The following WDR19 variants were observed in gnomAD, a reference collection of about 807,000 sequenced individuals.
The protein encoded by WDR19 is WD repeat-containing protein 19.
WDR19 carries 121 observed loss-of-function variants against 180.0 expected under a neutral mutation model. The observed-to-expected ratio is 0.67, with a 90% confidence interval of 0.58 to 0.78. The LOEUF (loss-of-function observed/expected upper bound fraction) is 0.78. Ranked by LOEUF, WDR19 falls within the 30% of genes least tolerant of loss-of-function variation. The pLI is 0.00. For synonymous variants in WDR19, 497 were observed against 540.7 expected, an observed-to-expected ratio of 0.92 and a Z score of 1.12; for missense variants, 1,450 against 1,640.7, an observed-to-expected ratio of 0.88 and a Z score of 2.01.
Position 39,234,875 on chromosome 4 carries a change from CG to C in WDR19, c.2363+1del, listed in dbSNP as rs1560521680. 1 of 1,550,116 alleles carries C rather than the reference CG, an allele frequency of 6.5e-7. No individual in the cohort carries two copies. Among genetic ancestry groups the C allele is most frequent in the Non-Finnish European group, 8.7e-7 (1 of 1,143,534 alleles). On this transcript the variant is annotated splice_donor_variant, in intron 20 of 36. Coordinates refer to ENST00000399820, the MANE Select transcript of WDR19 (RefSeq NM_025132.4). LOFTEE classifies it high-confidence loss of function. ...GAATATGCTATTCAGCTTGAATTCG[CG>C]TAAGTCTTTGTTTTTATACATTTCA...
chr4:39,259,840 C>G (rs958823912), intron 28 of WDR19, among the ~76,000 whole-genome samples: 1 of 152,200 alleles, frequency 6.6e-6, no homozygotes, highest in Non-Finnish European at 1.5e-5. Flanking sequence ...TACATTCCAA[C>G]AGGCACTGTG....
chr4:39,247,146 C>T (rs180946800), intron 24 of WDR19, among the ~76,000 whole-genome samples: 1 of 152,328 alleles, frequency 6.6e-6, no homozygotes, highest in East Asian at 1.9e-4. Context: ...GGGTACTCCT[C>T]TGAGACAAAA....
At chr4:39,229,553 T>C (rs886998406) in intron 17 of WDR19, among the ~76,000 whole-genome samples, 2 of 152,188 alleles carry the variant, frequency 1.3e-5, no homozygotes, top group Non-Finnish European at 2.9e-5. Context: ...ATAATTTCCT[T>C]TTACTGTTTT....
intron 14 of WDR19, among the ~76,000 whole-genome samples, chr4:39,221,548 T>C (rs1490806988): frequency 6.6e-6 from 1 of 152,208 alleles, no homozygotes; most frequent in Non-Finnish European, 1.5e-5. Context: ...TGGTGGCACA[T>C]GCCTGTAATC....
chr4:39,196,623 CTT>C (rs1157338163), intron 5 of WDR19, among the ~76,000 whole-genome samples: 3 of 152,226 alleles, frequency 2.0e-5, no homozygotes, highest in Non-Finnish European at 4.4e-5. Context: ...GCAGTCTCCT[CTT>C]TACTGGCCTC....
At chr4:39,279,333 G>A (rs751046515) in intron 36 of WDR19, among the ~76,000 whole-genome samples, 9 of 152,212 alleles carry the variant, frequency 5.9e-5, no homozygotes, top group Admixed American at 1.3e-4. Context: ...CTCAGGAAGC[G>A]GCAGCTCCAG....
chr4:39,264,362 C>T (rs1560553021), intron 28 of WDR19, among the ~76,000 whole-genome samples: 1 of 152,192 alleles, frequency 6.6e-6, no homozygotes, highest in African/African-American at 2.4e-5. Flanking sequence ...CCTGCTTTAC[C>T]GAAGTGGCAA....
chr4:39,243,344 T>A (rs989818134), intron 21 of WDR19, among the ~76,000 whole-genome samples: 1 of 152,232 alleles, frequency 6.6e-6, no homozygotes, highest in Non-Finnish European at 1.5e-5. Flanking sequence ...GTTTTATCTC[T>A]ACCAATTTTA....
intron 28 of WDR19, among the ~76,000 whole-genome samples, chr4:39,261,032 C>T (rs1411250142): frequency 1.3e-5 from 2 of 151,854 alleles, no homozygotes; most frequent in Admixed American, 6.6e-5. Context: ...TGTTTTTTGT[C>T]GCACAGGCTG....
intron 19 of WDR19, 120 bp from the exon 20 acceptor site, chr4:39,234,646 T>C (rs1486155162): frequency 1.4e-6 from 1 of 704,236 alleles, no homozygotes; most frequent in African/African-American, 1.8e-5. Context: ...ATTGTAAAGA[T>C]CAAGTTTCAT....
chr4:39,266,816 T>G (rs1809112), intron 29 of WDR19, among the ~76,000 whole-genome samples: 76,819 of 152,114 alleles, frequency 0.51, 20,790 homozygotes, highest in African/African-American at 0.71. Flanking sequence ...AGGCGCGGTG[T>G]CTCATGCCTG....
intron 21 of WDR19, among the ~76,000 whole-genome samples, chr4:39,244,026 A>C (rs916121140): frequency 1.3e-5 from 2 of 152,218 alleles, no homozygotes; most frequent in East Asian, 3.8e-4. Flanking sequence ...TTAAGCATAA[A>C]GTTGATCTAG....
intron 5 of WDR19, among the ~76,000 whole-genome samples, chr4:39,195,388 AAACAAAC>A (rs1726639900): frequency 1.5e-5 from 1 of 68,012 alleles, no homozygotes; most frequent in Non-Finnish European, 3.1e-5. Context: ...ACAAAAAAAC[AAACAAAC>A]AAAAAAAAAC....
chr4:39,248,809 C>G (rs187944394), intron 24 of WDR19, among the ~76,000 whole-genome samples: 150 of 152,250 alleles, frequency 9.9e-4, no homozygotes, highest in African/African-American at 3.4e-3. Context: ...ACTAACTATC[C>G]TAAATATATA....
chr4:39,206,881 G>C (rs1017786571), intron 9 of WDR19, among the ~76,000 whole-genome samples: 6 of 152,194 alleles, frequency 3.9e-5, no homozygotes, highest in African/African-American at 1.4e-4. Flanking sequence ...CAGCCAGGTT[G>C]ATGGCCTGCT....
intron 20 of WDR19, among the ~76,000 whole-genome samples, chr4:39,235,710 G>A (rs1298507330): frequency 2.0e-5 from 3 of 151,698 alleles, no homozygotes; most frequent in Non-Finnish European, 4.4e-5. Context: ...CAACAGAATG[G>A]CAAAAAATAT....
In WDR19 at chr4:39,234,859, A is replaced by G. The variant is rs1055716143; in HGVS notation, c.2347A>G (p.Ile783Val). Residue 783 changes from isoleucine (I) to valine (V), a missense_variant, in exon 20 of 37, where the codon ATT (isoleucine) becomes GTT (valine). By Grantham distance (29) the Ile-to-Val change is conservative. Coordinates refer to ENST00000399820, the MANE Select transcript of WDR19 (RefSeq NM_025132.4). Reference sequence around the variant, plus strand: ...ACCTTTTATATCAAAAGAATATGCTATTCAGCTTGAATTCGCGTAAGTCTT... The same window carrying G: ...ACCTTTTATATCAAAAGAATATGCTGTTCAGCTTGAATTCGCGTAAGTCTT... ...QIPFISKEYAIQLEFAGDYVN... is the reference protein window; with the variant it reads ...QIPFISKEYAVQLEFAGDYVN... The G allele has an allele frequency of 5.1e-6, 8 of 1,563,824 alleles. No individual in the cohort carries two copies. The highest frequency in any genetic ancestry group is 4.1e-5 in the African/African-American group (3 of 73,770).
intron 27 of WDR19, among the ~76,000 whole-genome samples, chr4:39,256,894 T>C (rs1230639988): frequency 6.6e-6 from 1 of 152,088 alleles, no homozygotes; most frequent in African/African-American, 2.4e-5. Flanking sequence ...CAGGATCATC[T>C]CCATGCAAAA....
intron 24 of WDR19, among the ~76,000 whole-genome samples, 198 bp from the exon 25 acceptor site, chr4:39,252,948 T>A (rs1269445160): frequency 1.3e-5 from 2 of 152,214 alleles, no homozygotes; most frequent in Non-Finnish European, 2.9e-5. Context: ...ATTGATATTT[T>A]ACTGTTCATT....
Sources: allele counts gnomAD v4.1 joint callset (sites outside exome capture counted in the v4.1 genomes callset), GRCh38; gene constraint gnomAD v4.1.1; transcripts MANE v1.5; gene names NCBI Gene and HGNC (gene_info 2026-07-23, HGNC 2026-07-21).